ZNF280D: variants seen among roughly 807,000 people sequenced by gnomAD.
ZNF280D encodes the protein suppressor of hairy wing homolog 4.
ZNF280D carries 39 observed loss-of-function variants against 94.7 expected under a neutral mutation model. The observed-to-expected ratio is 0.41, with a 90% CI of 0.32 to 0.54. The LOEUF (loss-of-function observed/expected upper bound fraction) is 0.54, where lower values mean the gene tolerates loss of function less well. ZNF280D is among the 20% of genes least tolerant of loss of function. The pLI is 0.22. For synonymous variants in ZNF280D, 398 were observed against 377.6 expected, an observed-to-expected ratio of 1.05 and a Z score of -0.63; for missense variants, 1,090 against 1,149.3, an observed-to-expected ratio of 0.95 and a Z score of 0.75.
chr15:56,730,277 C>G (rs2058823624), intron 1 of ZNF280D: 1 of 152,030 alleles, frequency 6.6e-6, no homozygotes, highest in Non-Finnish European at 1.5e-5. Context: ...GTTTTTAATT[C>G]CTTTCTAAAG....
intron 3 of ZNF280D, among the ~76,000 whole-genome samples, chr15:56,706,194 G>A (rs942957692): frequency 1.5e-4 from 21 of 143,016 alleles, no homozygotes; most frequent in Non-Finnish European, 1.8e-4. Context: ...GAAGATGGAG[G>A]ACAGGCACAG....
chr15:56,643,100 G>A (rs1337666983), intron 19 of ZNF280D, 103 bp from the exon 20 acceptor site: 7 of 693,508 alleles, frequency 1.0e-5, no homozygotes, highest in South Asian at 3.6e-5. Context: ...AATGTAGATC[G>A]AAACTAATGT....
chr15:56,660,122 G>C (rs1458254456), intron 16 of ZNF280D, among the ~76,000 whole-genome samples: 3 of 152,034 alleles, frequency 2.0e-5, no homozygotes, highest in Non-Finnish European at 4.4e-5. Flanking sequence ...AGTACATTGG[G>C]AAGTTGGGAA....
At chr15:56,659,569 T>C (rs1396454766) in intron 16 of ZNF280D, among the ~76,000 whole-genome samples, 1 of 152,062 alleles carries the variant, frequency 6.6e-6, no homozygotes, top group Non-Finnish European at 1.5e-5. Flanking sequence ...ATACATAGTA[T>C]GTATAGGAAA....
chr15:56,720,970 T>TTGGG (rs755629579), intron 1 of ZNF280D, among the ~76,000 whole-genome samples: 1 of 26,518 alleles, frequency 3.8e-5, no homozygotes, highest in African/African-American at 8.5e-5. Context: ...GCATTTTTTT[T>TTGGG]GGGGGGGGGG....
chr15:56,688,335 AC>A (rs2056181064), intron 9 of ZNF280D, among the ~76,000 whole-genome samples: 1 of 151,998 alleles, frequency 6.6e-6, no homozygotes, highest in South Asian at 2.1e-4. Context: ...TACTAAAAAT[AC>A]AAAAATTAGC....
intron 19 of ZNF280D, 30 bp downstream of exon 19, chr15:56,654,168 T>TA: frequency 6.3e-7 from 1 of 1,595,766 alleles, no homozygotes. Flanking sequence ...TCCATCAAAG[T>TA]AAAATGCACT....
intron 11 of ZNF280D, among the ~76,000 whole-genome samples, chr15:56,678,253 C>G (rs898781664): frequency 2.0e-5 from 3 of 152,064 alleles, no homozygotes; most frequent in Admixed American, 6.6e-5. Flanking sequence ...AGTGATCTGC[C>G]CACATTGGCC....
At chr15:56,670,020 ATAGTGGTT>A in intron 13 of ZNF280D, among the ~76,000 whole-genome samples, 1 of 28,232 alleles carries the variant, frequency 3.5e-5, no homozygotes, top group Non-Finnish European at 6.4e-5. Flanking sequence ...ATATATATAT[ATAGTGGTT>A]TTAGAGAAAC....
chr15:56,700,982 T>C lies in ZNF280D; in HGVS notation c.332A>G (p.Glu111Gly), dbSNP rs2057029437. The change falls in exon 6 of 22, where the codon GAG becomes GGG. Residue 111 changes from glutamate (E) to glycine (G), a missense_variant. Glu to Gly is a moderately conservative substitution (Grantham distance 98). Coordinates refer to ENST00000267807, the MANE Select transcript of ZNF280D (RefSeq NM_017661.4). ...VPASPINFHP[E>G]SRSSDSSVIV... The stretch of plus-strand genomic sequence containing the variant: ...AACAGAACTATCTGAAGATCTAGAC[T>C]CAGGATGAAAATTTATTGGTGAGGC... 1 of 1,613,782 alleles carries C rather than the reference T, an allele frequency of 6.2e-7. No individual in the cohort carries two copies. The highest frequency in any genetic ancestry group is 1.1e-5 in the South Asian group (1 of 91,072).
chr15:56,701,250 T>A lies in ZNF280D; in HGVS notation c.176-12A>T, dbSNP rs2057048683. The A allele has an allele frequency of 2.8e-6, 4 of 1,447,242 alleles. No homozygotes were observed. Among genetic ancestry groups the A allele is most frequent in the Non-Finnish European group, 3.8e-6 (4 of 1,065,110 alleles). 89.7% of individuals were successfully genotyped at this position (1,447,242 alleles called of 1,614,324 possible). On this transcript the variant is annotated splice_polypyrimidine_tract_variant and intron_variant, in intron 4 of 21. Coordinates refer to ENST00000267807, the MANE Select transcript of ZNF280D (RefSeq NM_017661.4). The stretch of plus-strand genomic sequence containing the variant: ...TCTGTTCAAAATATCTATAAAAGAT[T>A]ATATTTATTTTAAAATACATTGTTT...
intron 19 of ZNF280D, among the ~76,000 whole-genome samples, chr15:56,650,452 A>G (rs1397661082): frequency 6.6e-6 from 1 of 152,138 alleles, no homozygotes; most frequent in Non-Finnish European, 1.5e-5. Flanking sequence ...TTAGTGAGGC[A>G]GCTGGGTCCT....
At chr15:56,634,083 A>G (rs1257765475) in intron 21 of ZNF280D, 1 of 152,144 alleles carries the variant, frequency 6.6e-6, no homozygotes, top group Non-Finnish European at 1.5e-5. Flanking sequence ...AGGAACAAAG[A>G]ACTCTGCAAC....
intron 9 of ZNF280D, among the ~76,000 whole-genome samples, chr15:56,687,010 C>A (rs1426329607): frequency 1.3e-5 from 2 of 151,990 alleles, no homozygotes; most frequent in African/African-American, 2.4e-5. Flanking sequence ...AAATCATTCA[C>A]AAATAATGTA....
chr15:56,700,281 T>A, intron 6 of ZNF280D: 1 of 642,880 alleles, frequency 1.6e-6, no homozygotes, highest in Non-Finnish European at 1.9e-6. Context: ...AGCTTTGGGA[T>A]CTTGAATAAA....
At chr15:56,637,177 T>C (rs1448331117) in intron 20 of ZNF280D, among the ~76,000 whole-genome samples, 1 of 150,918 alleles carries the variant, frequency 6.6e-6, no homozygotes, top group Non-Finnish European at 1.5e-5. Flanking sequence ...GAATTTTTTT[T>C]TTTTTTTTTT....
At chr15:56,662,167 G>T (rs1453323831) in intron 16 of ZNF280D, among the ~76,000 whole-genome samples, 3 of 151,904 alleles carry the variant, frequency 2.0e-5, no homozygotes, top group African/African-American at 7.3e-5. Flanking sequence ...ACATCATTTT[G>T]AGGAATAATA....
chr15:56,727,757 C>A (rs1039283793), intron 1 of ZNF280D, among the ~76,000 whole-genome samples: 13 of 152,176 alleles, frequency 8.5e-5, no homozygotes, highest in African/African-American at 3.1e-4. Context: ...GACAGCAGCA[C>A]TTTAGACTCT....
At chr15:56,653,947 G>C (rs566438464) in intron 19 of ZNF280D, 1 of 1,366,914 alleles carries the variant, frequency 7.3e-7, no homozygotes, top group African/African-American at 1.5e-5. Context: ...CTAGTGTCAT[G>C]AACTTGGCTG....
Sources: gnomAD v4.1 joint callset for allele counts (sites outside exome capture counted in the v4.1 genomes callset) on GRCh38, gnomAD v4.1.1 for gene constraint, MANE v1.5 for transcripts, NCBI Gene and HGNC (gene_info 2026-07-23, HGNC 2026-07-21) for gene names.